LITAF: variants seen among roughly 807,000 people sequenced by gnomAD.
The protein encoded by LITAF is lipopolysaccharide induced TNF factor, also known as lipopolysaccharide-induced tumor necrosis factor-alpha factor.
A neutral mutation model predicts 14.5 loss-of-function variants in LITAF; 9 were observed. The ratio of observed to expected loss-of-function variants is 0.62; its 90% CI spans 0.37 to 1.08. LITAF has a LOEUF of 1.08. Ranked by LOEUF, LITAF falls within the 50% of genes least tolerant of loss-of-function variation. The probability of loss-of-function intolerance (pLI) is 0.01; values close to 1 mark genes in which losing one functional copy is unlikely to be tolerated. For synonymous variants in LITAF, 98 were observed against 88.2 expected (o/e 1.11, Z -0.62); for missense variants, 206 against 213.4 (o/e 0.97, Z 0.22).
chr16:11,610,552 G>A (rs1044641638), intron 3 of LITAF, among the ~76,000 whole-genome samples: 1 of 152,162 alleles, frequency 6.6e-6, no homozygotes, highest in South Asian at 2.1e-4. Context: ...GTTGTCTTCA[G>A]ACATTGCCAC....
intron 1 of LITAF, among the ~76,000 whole-genome samples, chr16:11,582,533 G>A (rs1284713819): frequency 6.6e-6 from 1 of 152,092 alleles, no homozygotes; most frequent in Admixed American, 6.6e-5. Context: ...GAAGAAAAAG[G>A]AGAAATATTC....
chr16:11,618,107 C>T (rs1406253825), intron 3 of LITAF, among the ~76,000 whole-genome samples: 1 of 152,176 alleles, frequency 6.6e-6, no homozygotes, highest in Non-Finnish European at 1.5e-5. Context: ...AACTCCTGGG[C>T]TCAAGTGATC....
intron 3 of LITAF, among the ~76,000 whole-genome samples, chr16:11,606,746 T>C (rs1334274816): frequency 6.6e-6 from 1 of 151,048 alleles, no homozygotes; most frequent in Non-Finnish European, 1.5e-5. Context: ...TCGAATTTCC[T>C]GCCTCAGCCT....
intron 3 of LITAF, among the ~76,000 whole-genome samples, chr16:11,612,753 G>A (rs559644715): frequency 1.3e-5 from 2 of 152,242 alleles, no homozygotes; most frequent in African/African-American, 4.8e-5. Context: ...GCGGAGGGAC[G>A]AGGACAGACT....
In LITAF at chr16:11,605,168, G is replaced by A. The variant is rs923920511; in HGVS notation, c.85+28365C>T. Among the ~76,000 whole-genome samples, 6 of 152,116 alleles carry A rather than the reference G, an allele frequency of 3.9e-5. No homozygotes were observed. Among genetic ancestry groups the A allele is most frequent in the African/African-American group, 1.2e-4 (5 of 41,426 alleles). Reference sequence around the variant, plus strand: ...CTCTCTCTCTCCACTGTGCAAACAGGGAGCCCAAGCTCTCAGCATCCCCCC... The same window carrying A: ...CTCTCTCTCTCCACTGTGCAAACAGAGAGCCCAAGCTCTCAGCATCCCCCC... On this transcript the variant is annotated intron_variant, in intron 3 of 3. Coordinates refer to the LITAF transcript ENST00000574848. The surrounding 1 kb of genome is among the most constrained non-coding windows in gnomAD (Gnocchi z 4.7).
At chr16:11,631,853 C>CTTT (rs34507448) in intron 3 of LITAF, among the ~76,000 whole-genome samples, 4 of 134,530 alleles carry the variant, frequency 3.0e-5, no homozygotes, top group Non-Finnish European at 6.5e-5. Flanking sequence ...CTTTTCTTTT[C>CTTT]TTTTTTTTTT....
chr16:11,552,695 A>G (rs1206997946), intron 3 of LITAF, among the ~76,000 whole-genome samples: 1 of 152,132 alleles, frequency 6.6e-6, no homozygotes, highest in African/African-American at 2.4e-5. Context: ...AGCAGGGATG[A>G]CTTGGCCTCC....
At chr16:11,613,014 G>C (rs2064992435) in intron 3 of LITAF, among the ~76,000 whole-genome samples, 1 of 152,086 alleles carries the variant, frequency 6.6e-6, no homozygotes, top group South Asian at 2.1e-4. Context: ...TTCACTCTAG[G>C]TTTTTCTTTG....
chr16:11,604,644 TAA>T (rs67633068), intron 3 of LITAF, among the ~76,000 whole-genome samples: 1,350 of 128,560 alleles, frequency 0.011, 23 homozygotes, highest in African/African-American at 0.035. Flanking sequence ...CTGTCTCTCT[TAA>T]AAAAAAAAAA....
chr16:11,555,889 G>A (rs1018741366), intron 2 of LITAF, among the ~76,000 whole-genome samples: 1 of 152,108 alleles, frequency 6.6e-6, no homozygotes, highest in Non-Finnish European at 1.5e-5. Context: ...TTTACAAATG[G>A]GGAAGCTGAG....
At chr16:11,617,124 G>A (rs2065023920) in intron 3 of LITAF, among the ~76,000 whole-genome samples, 1 of 152,026 alleles carries the variant, frequency 6.6e-6, no homozygotes, top group Non-Finnish European at 1.5e-5. Flanking sequence ...AGAGGCTGAG[G>A]CAGGAGGATC....
At chr16:11,638,461 G>C (rs2065151898), upstream of LITAF, among the ~76,000 whole-genome samples, 1 of 151,966 alleles carries the variant, frequency 6.6e-6, no homozygotes, top group Admixed American at 6.6e-5. Flanking sequence ...CCAGTACTTT[G>C]GGAGGCCGAG....
Position 11,605,901 on chromosome 16 carries a change from A to G in LITAF, c.85+27632T>C, listed in dbSNP as rs1417795336. On this transcript the variant is annotated intron_variant, in intron 3 of 3. Coordinates refer to the LITAF transcript ENST00000574848. The surrounding 1 kb of genome is among the most constrained non-coding windows in gnomAD (Gnocchi z 4.7). Reference sequence around the variant, plus strand: ...ACTTATCAATAGCTGCCTCTTTAGGATCAAGACCAACCTCTCCCACGGCCT... The same window carrying G: ...ACTTATCAATAGCTGCCTCTTTAGGGTCAAGACCAACCTCTCCCACGGCCT... Among the ~76,000 whole-genome samples, 1 of 152,112 alleles carries G rather than the reference A, an allele frequency of 6.6e-6. No individual in the cohort carries two copies. Among genetic ancestry groups the G allele is most frequent in the Non-Finnish European group, 1.5e-5 (1 of 68,024 alleles).
At chr16:11,639,452 T>C (rs2065155589), upstream of LITAF, among the ~76,000 whole-genome samples, 1 of 145,432 alleles carries the variant, frequency 6.9e-6, no homozygotes, top group East Asian at 2.1e-4. Flanking sequence ...GTGGGATGCA[T>C]GGATGGGTGG....
At chr16:11,555,046 C>T (rs1338644217) in intron 2 of LITAF, among the ~76,000 whole-genome samples, 1 of 151,538 alleles carries the variant, frequency 6.6e-6, no homozygotes, top group Non-Finnish European at 1.5e-5. Context: ...TTTTTTTTGG[C>T]AGGGGGGACA....
intron 3 of LITAF, among the ~76,000 whole-genome samples, chr16:11,609,254 C>T (rs923988097): frequency 3.7e-4 from 56 of 151,336 alleles, no homozygotes; most frequent in Middle Eastern, 3.4e-3. Context: ...CTCTGTCGCC[C>T]AGGCTGGAGT....
rs1005844614 is a variant in LITAF, at chr16:11,586,436, T to G, written c.-6+450A>C. 1 of 152,012 alleles carries G rather than the reference T, an allele frequency of 6.6e-6. No individual in the cohort carries two copies. The highest frequency in any genetic ancestry group is 1.5e-5 in the Non-Finnish European group (1 of 67,980). 9.4% of individuals were successfully genotyped at this position (152,012 alleles called of 1,614,324 possible). On this transcript the variant is annotated intron_variant, in intron 1 of 3. Transcript: ENST00000622633. This position sits in a 1 kb window ranked among gnomAD's most constrained non-coding sequence, Gnocchi z 6.5. ...AATAGCATTTGGGAATTCGTTGGGG[T>G]TTTTTTGTTTGTTTTGGTTTTGTTT... is the stretch of plus-strand genomic sequence containing the variant.
intron 3 of LITAF, among the ~76,000 whole-genome samples, chr16:11,552,696 C>T (rs2064199367): frequency 6.6e-6 from 1 of 152,138 alleles, no homozygotes. Flanking sequence ...GCAGGGATGA[C>T]TTGGCCTCCC....
chr16:11,629,696 A>G (rs1192421835), intron 3 of LITAF, among the ~76,000 whole-genome samples: 1 of 152,146 alleles, frequency 6.6e-6, no homozygotes, highest in African/African-American at 2.4e-5. Flanking sequence ...GAAGAATTAA[A>G]CAGACACTGC....
Sources: allele counts gnomAD v4.1 joint callset (sites outside exome capture counted in the v4.1 genomes callset), GRCh38; gene constraint gnomAD v4.1.1; non-coding constraint Gnocchi (gnomAD v3.1); transcripts MANE v1.5; gene names NCBI Gene and HGNC (gene_info 2026-07-23, HGNC 2026-07-21).